HSP90B1: variants seen among roughly 807,000 people sequenced by gnomAD.
HSP90B1 encodes heat shock protein 90 beta family member 1, also known as endoplasmin.
A neutral mutation model predicts 100.4 loss-of-function variants in HSP90B1; 27 were observed. The observed-to-expected ratio is 0.27, with a 90% confidence interval of 0.20 to 0.37. The LOEUF (loss-of-function observed/expected upper bound fraction) is 0.37, where lower values mean the gene tolerates loss of function less well. HSP90B1 is among the 10% of genes least tolerant of loss of function. HSP90B1 has a pLI of 1.00. For synonymous variants in HSP90B1, 304 were observed against 330.8 expected (o/e 0.92, Z 0.88); for missense variants, 678 against 960.5 (o/e 0.71, Z 3.89).
intron 4 of HSP90B1, 109 bp downstream of exon 4, chr12:103,933,051 C>T (rs989054334): frequency 9.3e-6 from 6 of 645,888 alleles, no homozygotes; most frequent in South Asian, 3.8e-5. Context: ...CAAAAAAACC[C>T]CAAGTCTCAG....
In HSP90B1 at chr12:103,932,893, CTGA is replaced by C. The variant is rs773997141; in HGVS notation, c.366_368del (p.Asp122del). The C allele has an allele frequency of 1.6e-5, 25 of 1,605,112 alleles. No homozygotes were observed. In the East Asian group the frequency reaches 5.4e-4, roughly 34 times the overall value. On this transcript the variant is annotated inframe_deletion, in exon 4 of 18. Transcript: ENST00000299767. The stretch of plus-strand genomic sequence containing the variant: ...GATAAGATAAGGCTAATATCACTGA[CTGA>C]TGAAAATGCTCTTTCTGGAAATGAG...
In HSP90B1 at chr12:103,943,093, T is replaced by C; in HGVS notation, c.1664T>C (p.Val555Ala). The C allele has an allele frequency of 6.2e-7, 1 of 1,614,092 alleles. No homozygotes were observed. Among genetic ancestry groups the C allele is most frequent in the Non-Finnish European group, 8.5e-7 (1 of 1,179,984 alleles). Reference protein sequence around the residue: ...SRKEAESSPFVERLLKKGYEV... With the variant: ...SRKEAESSPFAERLLKKGYEV... ...TTGTAGGCTGAATCTTCTCCATTTG[T>C]TGAGCGACTTCTGAAAAAGGGCTAT... Residue 555 changes from valine (V) to alanine (A), a missense_variant, in exon 13 of 18, where the codon GTT (valine) becomes GCT (alanine). By Grantham distance (64) the Val-to-Ala change is moderately conservative. Around this residue, in one of 8 missense-constraint regions of HSP90B1, gnomAD observed 170 missense variants for 236.7 expected, o/e 0.72. Coordinates refer to ENST00000299767, the MANE Select transcript of HSP90B1 (RefSeq NM_003299.3). The surrounding 1 kb of genome is among the most constrained non-coding windows in gnomAD (Gnocchi z 5.3).
rs1306449470 is a variant in HSP90B1 at position 103,930,427 on chromosome 12, G to T, written c.-89G>T. On this transcript the variant is annotated 5_prime_UTR_variant, in exon 1 of 18. Transcript: ENST00000299767. This position sits in a 1 kb window ranked among gnomAD's most constrained non-coding sequence, Gnocchi z 4.4. ...TGCGGTGTAGTGGGCGGACCGCGCGGCTGGAGGTGTGAGGATCCGAACCCA... is the reference window on the plus strand; with the variant it reads ...TGCGGTGTAGTGGGCGGACCGCGCGTCTGGAGGTGTGAGGATCCGAACCCA... The T allele has an allele frequency of 1.6e-6, 2 of 1,240,358 alleles. No homozygotes were observed. The highest frequency in any genetic ancestry group is 2.2e-6 in the Non-Finnish European group (2 of 900,454). The allele number at this position is 1,240,358 out of a possible 1,614,324, so 76.8% of individuals were successfully genotyped here.
At position 103,931,616 on chromosome 12, in the gene HSP90B1, G is replaced by A. The variant is rs780682319; in HGVS notation, c.145G>A (p.Val49Ile). Residue 49 changes from valine to isoleucine, a missense_variant, in exon 2 of 18, where the codon GTA (valine) becomes ATA (isoleucine). Val to Ile is a conservative substitution (Grantham distance 29). Around this residue, in one of 8 missense-constraint regions of HSP90B1, gnomAD observed 88 missense variants for 88.2 expected, o/e 1.00. Coordinates refer to ENST00000299767, the MANE Select transcript of HSP90B1 (RefSeq NM_003299.3). ...REGSRTDDEV[V>I]QREEEAIQLD... ...AGGATCAAGGACGGATGATGAAGTA[G>A]TACAGAGGTTTGTGTTCATTTGAAC... 6 of 1,609,522 alleles carry A rather than the reference G, an allele frequency of 3.7e-6. No homozygotes were observed. The South Asian group carries it at 6.6e-5, about 18-fold the overall frequency.
Position 103,941,891 on chromosome 12 carries a change from G to A in HSP90B1, c.1368G>A (p.Leu456=). 2 of 1,612,832 alleles carry A rather than the reference G, an allele frequency of 1.2e-6. No individual in the cohort carries two copies. Among genetic ancestry groups the A allele is most frequent in the Non-Finnish European group, 1.7e-6 (2 of 1,178,920 alleles). The part of the protein sequence containing the change: ...VSRETLQQHK[L]LKVIRKKLVR... ...GCGAGACTCTTCAGCAACATAAACT[G>A]CTTAAGGTAAGTGTCTCTGGGAAGA... Residue 456 remains leucine, a synonymous_variant, in exon 11 of 18, where the codon CTG becomes CTA. Coordinates refer to ENST00000299767, the MANE Select transcript of HSP90B1 (RefSeq NM_003299.3).
rs149843361 is a variant in HSP90B1, at chr12:103,937,695, C to A, written c.744C>A (p.Thr248=). 9.2e-6 allele frequency: 14 copies of A among 1,519,706 alleles called. No homozygotes were observed. In the African/African-American group the frequency reaches 1.8e-4, roughly 19 times the overall value. The allele number at this position is 1,519,706 out of a possible 1,614,324, so 94.1% of individuals were successfully genotyped here. The change falls in exon 6 of 18, where the codon ACC becomes ACA. Residue 248 remains threonine, a splice_region_variant and synonymous_variant. Transcript: ENST00000299767. The stretch of plus-strand genomic sequence containing the variant: ...TCTAAACATCGAATTTTTCTTGCAG[C>A]CTTGTCTTAAAAGAAGAAGCATCTG... ...GNTLGRGTTI[T]LVLKEEASDY... is the part of the protein sequence containing the mutation.
chr12:103,941,354 C>A, intron 8 of HSP90B1, 56 bp from the exon 9 acceptor site: 1 of 1,571,210 alleles, frequency 6.4e-7, no homozygotes, highest in Non-Finnish European at 8.7e-7. Context: ...TTGCTTAGTT[C>A]TTGCACTGCT....
At chr12:103,946,544 T>C (rs1162439825) in intron 14 of HSP90B1, 74 bp from the exon 15 acceptor site, 7 of 1,074,714 alleles carry the variant, frequency 6.5e-6, no homozygotes, top group Non-Finnish European at 9.9e-6. Context: ...TGTGTAATTA[T>C]GAAAGAATAA....
In HSP90B1 at chr12:103,938,473, A is replaced by C. The variant is rs1219396049; in HGVS notation, c.975+14A>C. The C allele has an allele frequency of 5.0e-6, 8 of 1,607,338 alleles. No individual in the cohort carries two copies. Among genetic ancestry groups the C allele is most frequent in the Non-Finnish European group, 6.8e-6 (8 of 1,177,474 alleles). The stretch of plus-strand genomic sequence containing the variant: ...AAGACTAAAAAAGTAAGTCTGGTTT[A>C]TCTCCCTGCATAAGATATTGTTTAA... On this transcript the variant is annotated intron_variant, in intron 7 of 17. Coordinates refer to ENST00000299767, the MANE Select transcript of HSP90B1 (RefSeq NM_003299.3).
In HSP90B1 at chr12:103,932,330, T is replaced by G; in HGVS notation, c.206T>G (p.Leu69Arg). 1 of 1,613,102 alleles carries G rather than the reference T, an allele frequency of 6.2e-7. No homozygotes were observed. The highest frequency in any genetic ancestry group is 1.1e-5 in the South Asian group (1 of 90,988). The part of the protein sequence containing the change: ...DGLNASQIRE[L>R]REKSEKFAFQ... ...TTAAATGCATCACAAATAAGAGAAC[T>G]TAGAGAGAAGTCGGAAAAGTTTGCC... Residue 69 changes from leucine (L) to arginine (R), a missense_variant, in exon 3 of 18, where the codon CTT (leucine) becomes CGT (arginine). Coordinates refer to ENST00000299767, the MANE Select transcript of HSP90B1 (RefSeq NM_003299.3).
In HSP90B1 at chr12:103,946,937, C is replaced by T. The variant is rs1381846115; in HGVS notation, c.2258C>T (p.Ala753Val). Reference protein sequence around the residue: ...LRLSLNIDPDAKVEEEPEEEP... With the variant: ...LRLSLNIDPDVKVEEEPEEEP... ...CTCAGTTTGAACATTGACCCTGATGCAAAGGTTTGTATCCCCAACCTTCCC... is the reference window on the plus strand; with the variant it reads ...CTCAGTTTGAACATTGACCCTGATGTAAAGGTTTGTATCCCCAACCTTCCC... The change falls in exon 16 of 18, where the codon GCA (alanine) becomes GTA (valine). Residue 753 changes from alanine to valine, a missense_variant. Around this residue, in one of 8 missense-constraint regions of HSP90B1, gnomAD observed 65 missense variants for 65.1 expected, o/e 1.00. Coordinates refer to ENST00000299767, the MANE Select transcript of HSP90B1 (RefSeq NM_003299.3). The T allele has an allele frequency of 6.2e-7, 1 of 1,612,046 alleles. No individual in the cohort carries two copies. The highest frequency in any genetic ancestry group is 2.2e-5 in the East Asian group (1 of 44,884).
chr12:103,934,214 G>C lies in HSP90B1; in HGVS notation c.670G>C (p.Glu224Gln). 1.9e-6 allele frequency: 3 copies of C among 1,614,196 alleles called. No individual in the cohort carries two copies. The highest frequency in any genetic ancestry group is 2.5e-6 in the Non-Finnish European group (3 of 1,180,042). ...CAACAACGATACCCAGCACATCTGG[G>C]AGTCTGACTCCAATGAATTTTCTGT... ...KHNNDTQHIWESDSNEFSVIA... is the reference protein window; with the variant it reads ...KHNNDTQHIWQSDSNEFSVIA... The change falls in exon 5 of 18, where the codon GAG becomes CAG. Residue 224 changes from glutamate to glutamine, a missense_variant. Around this residue, in one of 8 missense-constraint regions of HSP90B1, gnomAD observed 238 missense variants for 346.7 expected, o/e 0.69. Transcript: ENST00000299767.
intron 4 of HSP90B1, among the ~76,000 whole-genome samples, chr12:103,933,437 CAG>C (rs1254671529): frequency 6.6e-6 from 1 of 152,248 alleles, no homozygotes; most frequent in Non-Finnish European, 1.5e-5. Flanking sequence ...AGCCTGAAAA[CAG>C]AGCTCTCCTT....
rs770752783 is a variant in HSP90B1 at position 103,946,849 on chromosome 12, C to T, written c.2170C>T (p.Arg724Trp). 23 of 1,614,048 alleles carry T rather than the reference C, an allele frequency of 1.4e-5. No homozygotes were observed. The highest frequency in any genetic ancestry group is 2.2e-5 in the East Asian group (1 of 44,878). ...AVVLFETATL[R>W]SGYLLPDTKA... The stretch of plus-strand genomic sequence containing the variant: ...GGTTTTGTTTGAAACAGCAACGCTT[C>T]GGTCAGGGTATCTTTTACCAGACAC... Residue 724 changes from arginine to tryptophan, a missense_variant, in exon 16 of 18, where the codon CGG becomes TGG. This residue lies in a region of HSP90B1 where 64 missense variants were observed against 66.4 expected (regional missense o/e 0.96). Coordinates refer to ENST00000299767, the MANE Select transcript of HSP90B1 (RefSeq NM_003299.3).
Position 103,931,585 on chromosome 12 carries a change from T to C in HSP90B1, c.114T>C (p.Ser38=), listed in dbSNP as rs1454126934. 1 of 1,613,700 alleles carries C rather than the reference T, an allele frequency of 6.2e-7. No homozygotes were observed. The highest frequency in any genetic ancestry group is 8.5e-7 in the Non-Finnish European group (1 of 1,179,656). The change falls in exon 2 of 18, where the codon AGT becomes AGC. Residue 38 remains serine, a synonymous_variant. Coordinates refer to ENST00000299767, the MANE Select transcript of HSP90B1 (RefSeq NM_003299.3). The stretch of plus-strand genomic sequence containing the variant: ...CAGTAGAAGAGGATCTGGGTAAAAG[T>C]AGAGAAGGATCAAGGACGGATGATG... The part of the protein sequence containing the change: ...DGTVEEDLGK[S]REGSRTDDEV...
intron 16 of HSP90B1, 58 bp downstream of exon 16, chr12:103,946,999 C>T: frequency 6.5e-7 from 1 of 1,531,870 alleles, no homozygotes; most frequent in Non-Finnish European, 8.9e-7. Flanking sequence ...TCTGTTCTTT[C>T]AGAATAGGCC....
intron 16 of HSP90B1, 124 bp downstream of exon 16, chr12:103,947,065 AG>A: frequency 8.5e-7 from 1 of 1,178,532 alleles, no homozygotes. Context: ...ACCTTTTGAA[AG>A]AATTTTATTG....
At chr12:103,933,239 G>T (rs761087406) in intron 4 of HSP90B1, among the ~76,000 whole-genome samples, 9 of 152,228 alleles carry the variant, frequency 5.9e-5, no homozygotes, top group Non-Finnish European at 8.8e-5. Context: ...AATATTTACT[G>T]TGTGGCCCTT....
At chr12:103,936,402 G>A (rs1166505257) in intron 5 of HSP90B1, among the ~76,000 whole-genome samples, 2 of 152,132 alleles carry the variant, frequency 1.3e-5, no homozygotes, top group African/African-American at 4.8e-5. Flanking sequence ...AGCACCTCGG[G>A]AGGCTGAGGT....
Sources: gnomAD v4.1 joint callset for allele counts (sites outside exome capture counted in the v4.1 genomes callset) on GRCh38, gnomAD v4.1.1 for gene constraint, gnomAD v4.1.1 regional missense constraint, Gnocchi (gnomAD v3.1) non-coding constraint, MANE v1.5 for transcripts, NCBI Gene and HGNC (gene_info 2026-07-23, HGNC 2026-07-21) for gene names.